MECOM: variants seen among roughly 807,000 people sequenced by gnomAD.
The protein encoded by MECOM is histone-lysine N-methyltransferase MECOM.
A neutral mutation model predicts 116.3 loss-of-function variants in MECOM; 13 were observed. The ratio of observed to expected loss-of-function variants is 0.11; its 90% CI spans 0.07 to 0.18. The LOEUF (loss-of-function observed/expected upper bound fraction) is 0.18, where lower values mean the gene tolerates loss of function less well. MECOM is among the 10% of genes least tolerant of loss of function. MECOM has a pLI of 1.00. For synonymous variants in MECOM, 528 were observed against 535.2 expected, an observed-to-expected ratio of 0.99 and a Z score of 0.19; for missense variants, 1,299 against 1,509.0, an observed-to-expected ratio of 0.86 and a Z score of 2.31.
intron 1 of MECOM, among the ~76,000 whole-genome samples, chr3:169,504,341 C>A (rs906306251): frequency 6.6e-6 from 1 of 151,876 alleles, no homozygotes; most frequent in Non-Finnish European, 1.5e-5. Flanking sequence ...ATCCAGCAAC[C>A]AAGACTTATA....
intron 1 of MECOM, among the ~76,000 whole-genome samples, chr3:169,525,943 C>A (rs535997946): frequency 6.6e-6 from 1 of 151,904 alleles, no homozygotes; most frequent in African/African-American, 2.4e-5. Context: ...GCAGGAGAAT[C>A]GCTTGAACCC....
At chr3:169,438,715 C>T (rs1262549606) in intron 1 of MECOM, among the ~76,000 whole-genome samples, 1 of 152,150 alleles carries the variant, frequency 6.6e-6, no homozygotes, top group Non-Finnish European at 1.5e-5. Context: ...ATGGCCACAG[C>T]CAGCACGTGA....
chr3:169,094,051 T>C (rs1399160887), intron 13 of MECOM, among the ~76,000 whole-genome samples: 3 of 152,204 alleles, frequency 2.0e-5, no homozygotes, highest in African/African-American at 7.2e-5. Flanking sequence ...TGGCCAGTTT[T>C]GCACATTGGA....
chr3:169,090,646 T>C (rs1479786034), intron 14 of MECOM, among the ~76,000 whole-genome samples: 1 of 151,944 alleles, frequency 6.6e-6, no homozygotes. Context: ...ATATCACTCA[T>C]GGGCCGTAGC....
chr3:169,644,033 T>C (rs868049572), intron 1 of MECOM, among the ~76,000 whole-genome samples: 7 of 152,188 alleles, frequency 4.6e-5, no homozygotes, highest in East Asian at 1.9e-4. Context: ...ATCTTCCTTA[T>C]TTCAAGCCTC....
At position 169,518,110 on chromosome 3, in the gene MECOM, T is replaced by C. The variant is rs536319774; in HGVS notation, c.38-136586A>G. Among the ~76,000 whole-genome samples, 308 of 151,966 alleles carry C rather than the reference T, an allele frequency of 2.0e-3. 1 individual carries two copies. Among genetic ancestry groups the C allele is most frequent in the Non-Finnish European group, 3.2e-3 (219 of 67,940 alleles). ...CCGTCTTTACTGAAAATACAAAAAA[T>C]TGGACGGGCGTGATGGCAGGCGCCT... On this transcript the variant is annotated intron_variant, in intron 1 of 16. Coordinates refer to ENST00000651503, the MANE Select transcript of MECOM (RefSeq NM_004991.4).
chr3:169,085,083 A>T (rs1219879663), intron 16 of MECOM, 40 bp from the exon 17 acceptor site: 1 of 1,611,904 alleles, frequency 6.2e-7, no homozygotes, highest in Admixed American at 1.7e-5. Context: ...ATGGCATTTG[A>T]AAAACATCAC....
chr3:169,380,901 T>G (rs1291629477), intron 2 of MECOM, among the ~76,000 whole-genome samples: 1 of 152,200 alleles, frequency 6.6e-6, no homozygotes, highest in Admixed American at 6.5e-5. Context: ...TCATAGCCAA[T>G]GTTTCCAAAC....
intron 1 of MECOM, among the ~76,000 whole-genome samples, chr3:169,657,389 G>GTTTGT: frequency 6.6e-6 from 1 of 152,042 alleles, no homozygotes. Context: ...CTTGAGATCT[G>GTTTGT]TTTGTTTATT....
intron 1 of MECOM, among the ~76,000 whole-genome samples, chr3:169,580,742 A>C (rs1299838917): frequency 6.6e-6 from 1 of 152,216 alleles, no homozygotes; most frequent in Non-Finnish European, 1.5e-5. Flanking sequence ...AGTTGCCCCA[A>C]ATGACTTGTA....
chr3:169,589,219 T>C (rs920723364), intron 1 of MECOM, among the ~76,000 whole-genome samples: 3 of 152,018 alleles, frequency 2.0e-5, no homozygotes, highest in African/African-American at 7.2e-5. Context: ...ATTTTCCCTA[T>C]TACTCAATAT....
chr3:169,366,619 G>A (rs928726789), intron 2 of MECOM, among the ~76,000 whole-genome samples: 2 of 151,914 alleles, frequency 1.3e-5, no homozygotes, highest in African/African-American at 4.8e-5. Flanking sequence ...TTTTTTGAGG[G>A]CAGCTGGCCT....
intron 1 of MECOM, among the ~76,000 whole-genome samples, chr3:169,449,774 A>T (rs1283259949): frequency 6.6e-6 from 1 of 152,190 alleles, no homozygotes; most frequent in African/African-American, 2.4e-5. Context: ...AAAAAAAGAA[A>T]TACAATGAAA....
At chr3:169,439,965 C>T (rs1466704905) in intron 1 of MECOM, among the ~76,000 whole-genome samples, 1 of 151,962 alleles carries the variant, frequency 6.6e-6, no homozygotes, top group Non-Finnish European at 1.5e-5. Context: ...CAAAGCCAAA[C>T]AATATATTGT....
chr3:169,273,188 C>A (rs185163378), intron 2 of MECOM, among the ~76,000 whole-genome samples: 1 of 152,182 alleles, frequency 6.6e-6, no homozygotes, highest in African/African-American at 2.4e-5. Flanking sequence ...TCTATAACAT[C>A]CCTTTGCCAC....
chr3:169,543,162 A>G (rs10513675), intron 1 of MECOM, among the ~76,000 whole-genome samples: 31,810 of 152,240 alleles, frequency 0.21, 4,395 homozygotes, highest in East Asian at 0.68. Flanking sequence ...CAAATCACAG[A>G]GTCCAATTAT....
intron 16 of MECOM, among the ~76,000 whole-genome samples, chr3:169,087,482 G>C (rs139437252): frequency 6.6e-6 from 1 of 151,708 alleles, no homozygotes; most frequent in African/African-American, 2.4e-5. Flanking sequence ...CAATAGTCCC[G>C]GTTATCCAGA....
intron 1 of MECOM, among the ~76,000 whole-genome samples, chr3:169,525,750 C>A (rs1467641724): frequency 6.6e-6 from 1 of 152,132 alleles, no homozygotes; most frequent in Non-Finnish European, 1.5e-5. Flanking sequence ...TGGATGCAGC[C>A]GGGCGTGATG....
chr3:169,115,711 T>C lies in MECOM; in HGVS notation c.2161A>G (p.Lys721Glu), dbSNP rs1185777339. Reference sequence around the variant, plus strand: ...TCACCTGGTGATTGGGGTTCCATTTTCAAAGGTAACGATCTCAAGTCTCTA... The same window carrying C: ...TCACCTGGTGATTGGGGTTCCATTTCCAAAGGTAACGATCTCAAGTCTCTA... ...PDRDLRSLPL[K>E]MEPQSPGEVK... Residue 721 changes from lysine to glutamate, a missense_variant, in exon 8 of 17, where the codon AAA (lysine) becomes GAA (glutamate). Physicochemically the swap from Lys to Glu is moderately conservative, Grantham distance 56. This residue lies in a region of MECOM where 340 missense variants were observed against 312.6 expected (regional missense o/e 1.09). Coordinates refer to ENST00000651503, the MANE Select transcript of MECOM (RefSeq NM_004991.4). The C allele has an allele frequency of 6.2e-7, 1 of 1,614,180 alleles. No homozygotes were observed. Among genetic ancestry groups the C allele is most frequent in the South Asian group, 1.1e-5 (1 of 91,088 alleles).
Sources: allele counts gnomAD v4.1 joint callset (sites outside exome capture counted in the v4.1 genomes callset), GRCh38; gene constraint gnomAD v4.1.1; regional missense constraint gnomAD v4.1.1; transcripts MANE v1.5; gene names NCBI Gene and HGNC (gene_info 2026-07-23, HGNC 2026-07-21).